Variants in DOCK10 observed in about 807,000 individuals in gnomAD.
The protein encoded by DOCK10 is dedicator of cytokinesis protein 10.
In DOCK10, 145 loss-of-function variants were observed where a neutral mutation model predicts 280.1. The ratio of observed to expected loss-of-function variants is 0.52; its 90% CI spans 0.45 to 0.59. DOCK10 has a LOEUF of 0.59. Among genes scored for constraint, DOCK10 ranks in the 20% least tolerant of loss-of-function variants. The pLI is 0.00. For synonymous variants in DOCK10, 915 were observed against 942.2 expected, an observed-to-expected ratio of 0.97 and a Z score of 0.53; for missense variants, 2,368 against 2,651.7, an observed-to-expected ratio of 0.89 and a Z score of 2.35.
chr2:224,908,626 AT>A (rs1203149740), intron 3 of DOCK10, among the ~76,000 whole-genome samples: 2 of 152,128 alleles, frequency 1.3e-5, no homozygotes, highest in Admixed American at 6.5e-5. Flanking sequence ...CCTCCTGAGT[AT>A]TTGGGACTGC....
intron 1 of DOCK10, among the ~76,000 whole-genome samples, chr2:224,969,475 CTT>C (rs941649315): frequency 1.3e-5 from 2 of 152,088 alleles, no homozygotes; most frequent in African/African-American, 2.4e-5. Flanking sequence ...TGTGATGAGA[CTT>C]TTTATTCCCC....
chr2:224,982,286 C>A (rs1328106505), intron 1 of DOCK10: 30 of 1,232,036 alleles, frequency 2.4e-5, no homozygotes, highest in Non-Finnish European at 2.6e-5. Context: ...TTCCTCTTGG[C>A]GTCGTCTACA....
chr2:224,791,304 T>C (rs2125105270), intron 47 of DOCK10, among the ~76,000 whole-genome samples: 1 of 152,280 alleles, frequency 6.6e-6, no homozygotes, highest in African/African-American at 2.4e-5. Context: ...CATATAAATA[T>C]CAGGCTACAT....
intron 51 of DOCK10, 37 bp from the exon 52 acceptor site, chr2:224,775,152 C>T: frequency 6.3e-7 from 1 of 1,589,548 alleles, no homozygotes; most frequent in Non-Finnish European, 8.6e-7. Context: ...GAGTGGTGTG[C>T]CCTGGAGCGC....
chr2:224,772,515 T>C (rs1485303482), intron 53 of DOCK10, among the ~76,000 whole-genome samples: 1 of 152,108 alleles, frequency 6.6e-6, no homozygotes, highest in Admixed American at 6.5e-5. Flanking sequence ...TACTTGTCTG[T>C]CATCAGATGG....
intron 1 of DOCK10, among the ~76,000 whole-genome samples, chr2:225,003,322 G>A (rs1389249204): frequency 6.6e-6 from 1 of 152,188 alleles, no homozygotes; most frequent in Admixed American, 6.5e-5. Context: ...GGGATTACAG[G>A]TGTAAGCCAC....
intron 50 of DOCK10, among the ~76,000 whole-genome samples, chr2:224,784,546 A>G (rs180778744): frequency 2.6e-5 from 4 of 152,394 alleles, no homozygotes; most frequent in Admixed American, 2.6e-4. Flanking sequence ...TAATTCAGAT[A>G]ACTGGCATAA....
At chr2:224,982,294 A>G in intron 1 of DOCK10, 1 of 1,232,042 alleles carries the variant, frequency 8.1e-7, no homozygotes, top group Non-Finnish European at 1.0e-6. Flanking sequence ...GGCGTCGTCT[A>G]CAAATGTGTG....
intron 1 of DOCK10, among the ~76,000 whole-genome samples, chr2:224,995,426 T>C (rs1437276585): frequency 6.6e-6 from 1 of 152,232 alleles, no homozygotes; most frequent in African/African-American, 2.4e-5. Flanking sequence ...TCAACACATA[T>C]AATTCAACAA....
At chr2:224,945,421 G>A (rs1338675234) in intron 1 of DOCK10, among the ~76,000 whole-genome samples, 8 of 152,048 alleles carry the variant, frequency 5.3e-5, no homozygotes, top group Non-Finnish European at 1.0e-4. Flanking sequence ...AATACCCAGT[G>A]GAAAGATTAG....
chr2:224,798,807 A>T (rs902628117), intron 41 of DOCK10, among the ~76,000 whole-genome samples: 5 of 151,668 alleles, frequency 3.3e-5, no homozygotes, highest in African/African-American at 9.7e-5. Flanking sequence ...AATTTTTTAA[A>T]TTTTTTTGTA....
chr2:224,914,504 A>C (rs1701205699), intron 3 of DOCK10, among the ~76,000 whole-genome samples: 1 of 152,242 alleles, frequency 6.6e-6, no homozygotes, highest in Non-Finnish European at 1.5e-5. Flanking sequence ...ACAAAAGCCC[A>C]TTGATTTTAT....
intron 1 of DOCK10, among the ~76,000 whole-genome samples, chr2:225,002,906 C>A (rs1706477738): frequency 6.6e-6 from 1 of 152,162 alleles, no homozygotes; most frequent in Admixed American, 6.5e-5. Flanking sequence ...CTCAACACTG[C>A]AGAACTGGTA....
At chr2:224,945,366 G>C (rs1703343186) in intron 1 of DOCK10, among the ~76,000 whole-genome samples, 1 of 152,100 alleles carries the variant, frequency 6.6e-6, no homozygotes, top group African/African-American at 2.4e-5. Flanking sequence ...CTGACCAATG[G>C]GGAGAAAGAG....
intron 55 of DOCK10, among the ~76,000 whole-genome samples, chr2:224,769,985 G>C (rs1413086620): frequency 6.6e-6 from 1 of 152,152 alleles, no homozygotes; most frequent in Non-Finnish European, 1.5e-5. Flanking sequence ...TTTGGACTGT[G>C]GAAAGTATCT....
intron 1 of DOCK10, 27 bp from the exon 2 acceptor site, chr2:224,931,695 A>G (rs1702388180): frequency 6.4e-7 from 1 of 1,561,378 alleles, no homozygotes; most frequent in African/African-American, 1.4e-5. Context: ...TATGGTATTA[A>G]TCACTGACAT....
chr2:224,927,160 A>T (rs926974484), intron 2 of DOCK10, among the ~76,000 whole-genome samples: 2 of 152,160 alleles, frequency 1.3e-5, no homozygotes, highest in African/African-American at 4.8e-5. Flanking sequence ...AGCTATACAG[A>T]GAGTGTAAAG....
chr2:224,782,323 G>C (rs1158664697), intron 50 of DOCK10, among the ~76,000 whole-genome samples: 1 of 152,126 alleles, frequency 6.6e-6, no homozygotes, highest in African/African-American at 2.4e-5. Flanking sequence ...ATGGCCTTTG[G>C]TGGATAGAAT....
chr2:224,829,864 C>T (rs976678865), intron 27 of DOCK10, among the ~76,000 whole-genome samples: 13 of 152,096 alleles, frequency 8.5e-5, no homozygotes, highest in Non-Finnish European at 1.9e-4. Context: ...CCATCAGGGT[C>T]CCTCTTCTAA....
Sources: allele counts gnomAD v4.1 joint callset (sites outside exome capture counted in the v4.1 genomes callset), GRCh38; gene constraint gnomAD v4.1.1; transcripts MANE v1.5; gene names NCBI Gene and HGNC (gene_info 2026-07-23, HGNC 2026-07-21).